Variants in FAM210B observed in about 807,000 individuals in gnomAD.
FAM210B encodes mitochondrial inner membrane scaffold 2.
In FAM210B, 11 loss-of-function variants were observed where a neutral mutation model predicts 14.9. The ratio of observed to expected loss-of-function variants is 0.74; its 90% CI spans 0.46 to 1.22. The LOEUF is 1.22. FAM210B is among the 50% of genes most tolerant of loss of function. The pLI, the probability that FAM210B is intolerant of heterozygous loss-of-function variation, is 0.00. For missense variants in FAM210B, 229 were observed against 250.1 expected, an observed-to-expected ratio of 0.92 and a Z score of 0.57; for synonymous variants, 113 against 110.2, an observed-to-expected ratio of 1.03 and a Z score of -0.16.
At position 56,359,103 on chromosome 20, in the gene FAM210B, C is replaced by T. The variant is rs1442776098; in HGVS notation, c.98C>T (p.Ala33Val). 1 of 1,336,986 alleles carries T rather than the reference C, an allele frequency of 7.5e-7. No homozygotes were observed. Among genetic ancestry groups the T allele is most frequent in the South Asian group, 1.8e-5 (1 of 54,344 alleles). 82.8% of individuals were successfully genotyped at this position (1,336,986 alleles called of 1,614,324 possible). The change falls in exon 1 of 3, where the codon GCC becomes GTC. Residue 33 changes from alanine to valine, a missense_variant. Coordinates refer to ENST00000371384, the MANE Select transcript of FAM210B (RefSeq NM_080821.3). This position sits in a 1 kb window ranked among gnomAD's most constrained non-coding sequence, Gnocchi z 4.3. ...CTCCTGGGCGCCACCGCCCCCTGCG[C>T]CCCGCCGCCCCTGGCCCTGGCCCTG... Reference protein sequence around the residue: ...TWLLGATAPCAPPPLALALLP... With the variant: ...TWLLGATAPCVPPPLALALLP...
At position 56,362,208 on chromosome 20, in the gene FAM210B, C is replaced by A. The variant is rs75133253; in HGVS notation, c.187-2879C>A. ...CAAGTGGAAGAAAACAGGTGTCACTCCAAACACTGCGATCGGCTTGGCAAG... is the reference window on the plus strand; with the variant it reads ...CAAGTGGAAGAAAACAGGTGTCACTACAAACACTGCGATCGGCTTGGCAAG... On this transcript the variant is annotated intron_variant, in intron 1 of 2. Transcript: ENST00000371384. This position sits in a 1 kb window ranked among gnomAD's most constrained non-coding sequence, Gnocchi z 4.8. Among the ~76,000 whole-genome samples the A allele has an allele frequency of 7.1e-3, 1,077 of 152,262 alleles. 13 individuals carry two copies. The highest frequency in any genetic ancestry group is 0.024 in the African/African-American group (1,003 of 41,546).
chr20:56,360,274 G>C (rs911494358), intron 1 of FAM210B: 1 of 469,056 alleles, frequency 2.1e-6, no homozygotes, highest in African/African-American at 2.0e-5. Context: ...TCAGGGCCCA[G>C]CCCAGCTGTT....
intron 1 of FAM210B, among the ~76,000 whole-genome samples, chr20:56,364,005 T>C (rs1355482752): frequency 6.6e-6 from 1 of 152,116 alleles, no homozygotes; most frequent in Non-Finnish European, 1.5e-5. Context: ...AAAGCAGTAG[T>C]ATCTACCTCT....
chr20:56,364,970 G>T (rs763425335), intron 1 of FAM210B, 117 bp from the exon 2 acceptor site: 4 of 988,258 alleles, frequency 4.0e-6, no homozygotes, highest in Non-Finnish European at 4.3e-6. Context: ...AAAAGGAAAG[G>T]GGTAACTGAT....
Position 56,359,572 on chromosome 20 carries a change from C to G in FAM210B, c.186+381C>G, listed in dbSNP as rs1983490794. Among the ~76,000 whole-genome samples, 1 of 152,190 alleles carries G rather than the reference C, an allele frequency of 6.6e-6. No individual in the cohort carries two copies. The highest frequency in any genetic ancestry group is 1.5e-5 in the Non-Finnish European group (1 of 68,038). On this transcript the variant is annotated intron_variant, in intron 1 of 2. Transcript: ENST00000371384. The surrounding 1 kb of genome is among the most constrained non-coding windows in gnomAD (Gnocchi z 4.3). ...GGGTCTCGCTGTGTTTTGAACACCT[C>G]CCGACGCTCGCTGCTCCTCCCTTTT...
At chr20:56,364,682 A>T (rs1983594551) in intron 1 of FAM210B, among the ~76,000 whole-genome samples, 1 of 152,170 alleles carries the variant, frequency 6.6e-6, no homozygotes, top group Non-Finnish European at 1.5e-5. Context: ...GGAAAGGGGT[A>T]ACTGATCCAC....
At chr20:56,360,864 G>T (rs995756134) in intron 1 of FAM210B, among the ~76,000 whole-genome samples, 4 of 152,178 alleles carry the variant, frequency 2.6e-5, no homozygotes, top group African/African-American at 9.6e-5. Flanking sequence ...TGCAGGGAGG[G>T]TCTGGGCTTG....
At position 56,359,076 on chromosome 20, in the gene FAM210B, G is replaced by A; in HGVS notation, c.71G>A (p.Trp24Ter). Residue 24 changes from tryptophan (W) to a stop codon, truncating the protein, a stop_gained, in exon 1 of 3, where the codon TGG becomes TAG. Transcript: ENST00000371384. LOFTEE classifies it high-confidence loss of function. The surrounding 1 kb of genome is among the most constrained non-coding windows in gnomAD (Gnocchi z 4.3). Reference protein sequence around the residue: ...VGARVRPRATWLLGATAPCAP... With the variant: ...VGARVRPRAT ...GCCCGGGTCCGGCCTCGCGCCACCT[G>A]GCTCCTGGGCGCCACCGCCCCCTGC... The A allele has an allele frequency of 1.5e-6, 2 of 1,354,142 alleles. No homozygotes were observed. The highest frequency in any genetic ancestry group is 3.3e-5 in the East Asian group (1 of 30,270). 83.9% of individuals were successfully genotyped at this position (1,354,142 alleles called of 1,614,324 possible).
At chr20:56,364,945 C>A in intron 1 of FAM210B, 142 bp from the exon 2 acceptor site, 1 of 782,400 alleles carries the variant, frequency 1.3e-6, no homozygotes, top group Non-Finnish European at 1.9e-6. Context: ...CAGAGTGAGA[C>A]TCTGTCTCAA....
At position 56,366,480 on chromosome 20, in the gene FAM210B, G is replaced by C. The variant is rs1347490843; in HGVS notation, c.*193G>C. On this transcript the variant is annotated 3_prime_UTR_variant, in exon 3 of 3. Coordinates refer to ENST00000371384, the MANE Select transcript of FAM210B (RefSeq NM_080821.3). ...TAATTTTTTGCCTCATAAATTTTGTGAATGCTATTCATTATAGGGCTTGTA... is the reference window on the plus strand; with the variant it reads ...TAATTTTTTGCCTCATAAATTTTGTCAATGCTATTCATTATAGGGCTTGTA... The C allele has an allele frequency of 2.2e-5, 13 of 596,408 alleles. No homozygotes were observed. The highest frequency in any genetic ancestry group is 3.5e-5 in the Non-Finnish European group (12 of 340,770). 36.9% of individuals were successfully genotyped at this position (596,408 alleles called of 1,614,324 possible). A position where few individuals can be genotyped will look rare whatever the true frequency, so the allele number is the denominator to read the frequency against.
Position 56,362,912 on chromosome 20 carries a change from G to A in FAM210B, c.187-2175G>A, listed in dbSNP as rs1475484958. 6.6e-6 allele frequency among the ~76,000 whole-genome samples: 1 copy of A among 152,242 alleles called. No homozygotes were observed. Among genetic ancestry groups the A allele is most frequent in the African/African-American group, 2.4e-5 (1 of 41,458 alleles). On this transcript the variant is annotated intron_variant, in intron 1 of 2. Coordinates refer to ENST00000371384, the MANE Select transcript of FAM210B (RefSeq NM_080821.3). This position sits in a 1 kb window ranked among gnomAD's most constrained non-coding sequence, Gnocchi z 4.8. ...GGGCATGGGTGTTTGGCCCTGCGAG[G>A]GGCTGTAGGTGGCCTCCTATCAGTC...
chr20:56,360,296 G>C (rs1334504828), intron 1 of FAM210B: 5 of 465,838 alleles, frequency 1.1e-5, no homozygotes, highest in Admixed American at 2.4e-5. Context: ...CTTCCTCCGG[G>C]AAGCCCTCTC....
intron 2 of FAM210B, among the ~76,000 whole-genome samples, chr20:56,365,672 A>C (rs1267325593): frequency 1.3e-5 from 2 of 152,060 alleles, no homozygotes. Flanking sequence ...AGCCTGGCTA[A>C]TTTTTGTCTT....
At chr20:56,365,574 C>T (rs566502877) in intron 2 of FAM210B, among the ~76,000 whole-genome samples, 7 of 152,060 alleles carry the variant, frequency 4.6e-5, no homozygotes, top group Non-Finnish European at 8.8e-5. Context: ...GGCGTGATCT[C>T]GGCTCACTGC....
intron 1 of FAM210B, among the ~76,000 whole-genome samples, chr20:56,361,674 T>C (rs1983534892): frequency 1.3e-5 from 2 of 152,170 alleles, no homozygotes; most frequent in Non-Finnish European, 2.9e-5. Flanking sequence ...TAATATTTCC[T>C]TTTTTTAAAA....
intron 1 of FAM210B, among the ~76,000 whole-genome samples, chr20:56,361,582 C>T (rs1983533212): frequency 6.6e-6 from 1 of 152,208 alleles, no homozygotes; most frequent in Admixed American, 6.5e-5. Flanking sequence ...TGGTAAATTA[C>T]TCAACCTCTC....
At chr20:56,364,976 C>G in intron 1 of FAM210B, 111 bp from the exon 2 acceptor site, 1 of 1,057,478 alleles carries the variant, frequency 9.5e-7, no homozygotes, top group South Asian at 1.8e-5. Context: ...AAAGGGGTAA[C>G]TGATCTCTCA....
chr20:56,365,319 T>G, intron 2 of FAM210B, 57 bp downstream of exon 2: 1 of 1,562,262 alleles, frequency 6.4e-7, no homozygotes, highest in South Asian at 1.2e-5. Flanking sequence ...AGATTCTATG[T>G]GAATAAGAAC....
chr20:56,361,051 G>A (rs533281550), intron 1 of FAM210B, among the ~76,000 whole-genome samples: 41 of 152,292 alleles, frequency 2.7e-4, no homozygotes, highest in Admixed American at 1.2e-3. Flanking sequence ...GAAAGCCACA[G>A]AAGAGACCTG....
Sources: allele counts gnomAD v4.1 joint callset (sites outside exome capture counted in the v4.1 genomes callset), GRCh38; gene constraint gnomAD v4.1.1; non-coding constraint Gnocchi (gnomAD v3.1); transcripts MANE v1.5; gene names NCBI Gene and HGNC (gene_info 2026-07-23, HGNC 2026-07-21).